RELL1: variants seen among roughly 807,000 people sequenced by gnomAD.
RELL1 encodes RELT-like protein 1.
In RELL1, 10 loss-of-function variants were observed where a neutral mutation model predicts 23.0. The ratio of observed to expected loss-of-function variants is 0.43; its 90% CI spans 0.27 to 0.74. The LOEUF is 0.74. Ranked by LOEUF, RELL1 falls within the 30% of genes least tolerant of loss-of-function variation. RELL1 has a pLI of 0.19. For missense variants in RELL1, 315 were observed against 364.4 expected (o/e 0.86, Z 1.10); for synonymous variants, 146 against 146.8 (o/e 0.99, Z 0.04).
intron 1 of RELL1, among the ~76,000 whole-genome samples, chr4:37,679,986 T>C (rs998277780): frequency 6.6e-6 from 1 of 152,142 alleles, no homozygotes; most frequent in African/African-American, 2.4e-5. Context: ...TTAGTTCAAG[T>C]TAAGTTTTAC....
At chr4:37,605,320 A>G (rs1719161336) in intron 6 of RELL1, among the ~76,000 whole-genome samples, 1 of 152,196 alleles carries the variant, frequency 6.6e-6, no homozygotes, top group Admixed American at 6.5e-5. Flanking sequence ...GAGGACACCT[A>G]GTCCTCTTTA....
downstream of RELL1, chr4:37,588,916 A>T: frequency 6.2e-7 from 1 of 1,602,876 alleles, no homozygotes; most frequent in South Asian, 1.1e-5. Flanking sequence ...CTGGAGAAAT[A>T]CTACTTCTAA....
intron 6 of RELL1, among the ~76,000 whole-genome samples, chr4:37,596,386 GT>G (rs1718845602): frequency 6.6e-6 from 1 of 151,932 alleles, no homozygotes; most frequent in Non-Finnish European, 1.5e-5. Flanking sequence ...CATCTACATC[GT>G]TTTTGTAAGT....
chr4:37,631,432 C>T lies in RELL1; in HGVS notation c.772G>A (p.Val258Met), dbSNP rs763721177. 1.2e-6 allele frequency: 2 copies of T among 1,614,140 alleles called. No homozygotes were observed. Among genetic ancestry groups the T allele is most frequent in the Non-Finnish European group, 8.5e-7 (1 of 1,180,028 alleles). ...TCTCTCTTCACAGGTGTTGCCGGCA[C>T]CTCCCCATTGACGGTTTCAGCCCCA... ...VSGAETVNGE[V>M]PATPVKRERS... The change falls in exon 6 of 7, where the codon GTG (valine) becomes ATG (methionine). Residue 258 changes from valine to methionine, a missense_variant. Transcript: ENST00000454158.
At chr4:37,643,269 C>T (rs974280817) in intron 3 of RELL1, among the ~76,000 whole-genome samples, 24 of 145,138 alleles carry the variant, frequency 1.7e-4, no homozygotes, top group African/African-American at 5.1e-4. Context: ...GACAACCAAA[C>T]AAACAAAGTG....
chr4:37,603,468 A>G (rs1264110076), intron 6 of RELL1, among the ~76,000 whole-genome samples: 1 of 152,208 alleles, frequency 6.6e-6, no homozygotes, highest in Non-Finnish European at 1.5e-5. Flanking sequence ...AGAACTGGCA[A>G]GTCAAACCTC....
Position 37,649,360 on chromosome 4 carries a change from T to C in RELL1, c.229A>G (p.Ile77Val). The C allele has an allele frequency of 6.2e-7, 1 of 1,614,246 alleles. No homozygotes were observed. The highest frequency in any genetic ancestry group is 8.5e-7 in the Non-Finnish European group (1 of 1,180,050). Residue 77 changes from isoleucine to valine, a missense_variant, in exon 2 of 7, where the codon ATT becomes GTT. Physicochemically the swap from Ile to Val is conservative, Grantham distance 29. Coordinates refer to ENST00000454158, the MANE Select transcript of RELL1 (RefSeq NM_001085400.2). ...FFIMGLFGVLICHLLKKKGYR... is the reference protein window; with the variant it reads ...FFIMGLFGVLVCHLLKKKGYR... ...CCTTTCTTCTTAAGCAGGTGGCAAA[T>C]GAGGACGCCAAAGAGACCCATGATA...
chr4:37,605,797 A>G (rs13143832), downstream of RELL1, among the ~76,000 whole-genome samples: 31,571 of 88,772 alleles, frequency 0.36, 5,914 homozygotes, highest in Middle Eastern at 0.48. Flanking sequence ...AAGAAAGAGA[A>G]AGAAAGAAAG....
downstream of RELL1, among the ~76,000 whole-genome samples, chr4:37,587,225 T>C (rs2109457619): frequency 6.6e-6 from 1 of 152,288 alleles, no homozygotes; most frequent in South Asian, 2.1e-4. Flanking sequence ...TTTATTTAAT[T>C]GTATTTAGAG....
downstream of RELL1, among the ~76,000 whole-genome samples, chr4:37,610,538 A>G (rs1292605884): frequency 6.6e-6 from 1 of 152,200 alleles, no homozygotes; most frequent in Non-Finnish European, 1.5e-5. This position sits in a 1 kb window ranked among gnomAD's most constrained non-coding sequence, Gnocchi z 4.1. Context: ...CAAGAAATTC[A>G]GCACTGTAAA....
At chr4:37,637,996 G>C (rs1025614444) in intron 4 of RELL1, among the ~76,000 whole-genome samples, 2 of 152,144 alleles carry the variant, frequency 1.3e-5, no homozygotes, top group African/African-American at 4.8e-5. Context: ...TGGAACTCAG[G>C]GTGGTCAGTT....
rs181391172 is a variant in RELL1, at chr4:37,668,076, G to C, written c.88+18124C>G. On this transcript the variant is annotated intron_variant, in intron 1 of 6. Transcript: ENST00000454158. ...TGTTATCAAAGTGGTAAGATTATAA[G>C]TCATTTTTTTTCTTTAGTGTTTTGT... Among the ~76,000 whole-genome samples, 482 of 147,958 alleles carry C rather than the reference G, an allele frequency of 3.3e-3. 2 individuals carry two copies. The highest frequency in any genetic ancestry group is 0.011 in the African/African-American group (426 of 37,748).
chr4:37,649,124 G>A, intron 2 of RELL1, 152 bp downstream of exon 2: 2 of 698,554 alleles, frequency 2.9e-6, no homozygotes, highest in South Asian at 1.8e-5. Context: ...CAAACTAGGT[G>A]TGATTACTGC....
chr4:37,612,622 G>A lies in RELL1; in HGVS notation c.*724C>T, dbSNP rs1719441519. Among the ~76,000 whole-genome samples, 1 of 146,030 alleles carries A rather than the reference G, an allele frequency of 6.8e-6. No individual in the cohort carries two copies. The highest frequency in any genetic ancestry group is 6.8e-5 in the Admixed American group (1 of 14,738). The stretch of plus-strand genomic sequence containing the variant: ...ACTGCACTCCAGCCTAGGGGACACA[G>A]CGAGACTCTGCCTCAAAAAAAAAAA... On this transcript the variant is annotated 3_prime_UTR_variant, in exon 7 of 7. Coordinates refer to ENST00000454158, the MANE Select transcript of RELL1 (RefSeq NM_001085400.2).
chr4:37,681,882 T>C lies in RELL1; in HGVS notation c.88+4318A>G, dbSNP rs549077269. ...CCCTGACTTAAGGCTTGGTGCTCTT[T>C]CCACCATAGCATCCCATGACCTTGT... On this transcript the variant is annotated intron_variant, in intron 1 of 6. Transcript: ENST00000454158. 2.5e-4 allele frequency among the ~76,000 whole-genome samples: 38 copies of C among 152,322 alleles called. No individual in the cohort carries two copies. In the South Asian group the frequency reaches 7.5e-3, roughly 30 times the overall value.
chr4:37,598,791 TCTC>T (rs1560321152), intron 6 of RELL1, among the ~76,000 whole-genome samples: 3 of 152,050 alleles, frequency 2.0e-5, no homozygotes, highest in Non-Finnish European at 4.4e-5. Context: ...TTCAAGCGAT[TCTC>T]CTGTCTCAGC....
At position 37,604,840 on chromosome 4, in the gene RELL1, G is replaced by T. The variant is rs139850170; in HGVS notation, c.*4-13623C>A. On this transcript the variant is annotated intron_variant, in intron 6 of 6. Coordinates refer to the RELL1 transcript ENST00000314117. The stretch of plus-strand genomic sequence containing the variant: ...ACACACAGACACACACATACACACA[G>T]ACACACACACAGACACACACACACA... 2.1e-4 allele frequency among the ~76,000 whole-genome samples: 8 copies of T among 37,848 alleles called. 1 individual carries two copies. The highest frequency in any genetic ancestry group is 1.2e-4 in the Non-Finnish European group (2 of 16,266). 24.8% of individuals were successfully genotyped at this position (37,848 alleles called of 152,430 possible).
At chr4:37,592,788 A>G (rs916218052) in intron 6 of RELL1, among the ~76,000 whole-genome samples, 2 of 152,332 alleles carry the variant, frequency 1.3e-5, no homozygotes, top group African/African-American at 4.8e-5. Flanking sequence ...AGATGATGTA[A>G]GTGTTTAGCA....
intron 1 of RELL1, among the ~76,000 whole-genome samples, chr4:37,679,258 T>C (rs1722124597): frequency 6.6e-6 from 1 of 152,216 alleles, no homozygotes; most frequent in Non-Finnish European, 1.5e-5. Context: ...TCCATTCTAA[T>C]TGGCACCCAT....
Sources: gnomAD v4.1 joint callset for allele counts (sites outside exome capture counted in the v4.1 genomes callset) on GRCh38, gnomAD v4.1.1 for gene constraint, Gnocchi (gnomAD v3.1) non-coding constraint, MANE v1.5 for transcripts, NCBI Gene and HGNC (gene_info 2026-07-23, HGNC 2026-07-21) for gene names.